CSMD1: variants seen among roughly 807,000 people sequenced by gnomAD.
CSMD1 encodes CUB and Sushi multiple domains 1.
CSMD1 carries 213 observed loss-of-function variants against 417.5 expected under a neutral mutation model. That is an observed-to-expected ratio of 0.51 (90% CI 0.46 to 0.57). The LOEUF (loss-of-function observed/expected upper bound fraction) is 0.57, where lower values mean the gene tolerates loss of function less well. Among genes scored for constraint, CSMD1 ranks in the 20% least tolerant of loss-of-function variants. The pLI is 0.00. For missense variants in CSMD1, 6,923 were observed against 4,529.7 expected (o/e 1.53, Z -15.17); for synonymous variants, 2,862 against 1,736.8 (o/e 1.65, Z -16.11).
rs903910947 is a variant in CSMD1 at position 3,692,648 on chromosome 8, G to A, written c.1009+15766C>T. Among the ~76,000 whole-genome samples, 6 of 152,024 alleles carry A rather than the reference G, an allele frequency of 3.9e-5. No homozygotes were observed. The East Asian group carries it at 9.7e-4, about 25-fold the overall frequency. On this transcript the variant is annotated intron_variant, in intron 7 of 69. Coordinates refer to ENST00000635120, the MANE Select transcript of CSMD1 (RefSeq NM_033225.6). ...GGGTTTCACCATGTTGGTCAGGCTG[G>A]TCTCGAACCCCTGACCTCAAATGAT...
At chr8:3,837,392 T>G (rs12543497) in intron 5 of CSMD1, among the ~76,000 whole-genome samples, 57,377 of 151,980 alleles carry the variant, frequency 0.38, 11,545 homozygotes, top group African/African-American at 0.52. Context: ...AAAATTGAAG[T>G]AGCATGCACT....
chr8:4,885,517 G>A (rs972344403), intron 1 of CSMD1, among the ~76,000 whole-genome samples: 2 of 151,874 alleles, frequency 1.3e-5, no homozygotes, highest in African/African-American at 2.4e-5. Flanking sequence ...TGTAATTCTT[G>A]TTTGTTGATT....
At chr8:4,229,646 T>G (rs1801585040) in intron 3 of CSMD1, among the ~76,000 whole-genome samples, 1 of 152,200 alleles carries the variant, frequency 6.6e-6, no homozygotes, top group African/African-American at 2.4e-5. Flanking sequence ...CTCCAGCTGC[T>G]TAAAGGCCAT....
chr8:4,216,688 T>C (rs911445273), intron 3 of CSMD1, among the ~76,000 whole-genome samples: 4 of 152,128 alleles, frequency 2.6e-5, no homozygotes, highest in African/African-American at 4.8e-5. Flanking sequence ...TCATGTTTCA[T>C]GTAAGCACCA....
intron 25 of CSMD1, among the ~76,000 whole-genome samples, chr8:3,300,299 A>C (rs1354888507): frequency 3.3e-5 from 5 of 152,138 alleles, no homozygotes; most frequent in African/African-American, 1.2e-4. Context: ...TTAAAAAGCT[A>C]TATCACCTTT....
At chr8:3,541,247 G>T (rs1798425863) in intron 10 of CSMD1, among the ~76,000 whole-genome samples, 1 of 152,136 alleles carries the variant, frequency 6.6e-6, no homozygotes, top group Non-Finnish European at 1.5e-5. Flanking sequence ...GATGAAACTG[G>T]AAGCCATTAC....
At chr8:4,972,891 C>T (rs1016964368) in intron 1 of CSMD1, among the ~76,000 whole-genome samples, 20 of 152,126 alleles carry the variant, frequency 1.3e-4, no homozygotes, top group Non-Finnish European at 1.5e-4. Flanking sequence ...AACATAGGTA[C>T]TGGGACCTAC....
chr8:3,490,003 G>C (rs919790188), intron 11 of CSMD1, among the ~76,000 whole-genome samples: 2 of 152,178 alleles, frequency 1.3e-5, no homozygotes, highest in African/African-American at 2.4e-5. Flanking sequence ...TCTCCAATTA[G>C]ATGATAGACT....
At chr8:4,127,655 T>C (rs377496482) in intron 3 of CSMD1, among the ~76,000 whole-genome samples, 4 of 152,146 alleles carry the variant, frequency 2.6e-5, no homozygotes, top group East Asian at 3.9e-4. Context: ...TCACCCCCTT[T>C]ACTTAGACTA....
chr8:4,911,268 T>C lies in CSMD1; in HGVS notation c.85+83064A>G, dbSNP rs142932110. On this transcript the variant is annotated intron_variant, in intron 1 of 69. Coordinates refer to ENST00000635120, the MANE Select transcript of CSMD1 (RefSeq NM_033225.6). ...AATGACCTTTGTCCACCAGTCGTAA[T>C]TTCTGCCTATACATACTGGATAAAG... is the stretch of plus-strand genomic sequence containing the variant. 1.3e-3 allele frequency among the ~76,000 whole-genome samples: 204 copies of C among 152,364 alleles called. 1 individual carries two copies. The highest frequency in any genetic ancestry group is 4.7e-3 in the African/African-American group (197 of 41,590).
chr8:3,803,908 A>G (rs1213170618), intron 5 of CSMD1, among the ~76,000 whole-genome samples: 2 of 151,996 alleles, frequency 1.3e-5, no homozygotes, highest in African/African-American at 4.8e-5. Context: ...ACAAGGAGAG[A>G]AGGTTAAGAG....
chr8:4,044,763 T>A (rs145790815), intron 3 of CSMD1, among the ~76,000 whole-genome samples: 72 of 150,022 alleles, frequency 4.8e-4, no homozygotes, highest in Admixed American at 8.5e-4. Context: ...CCTGGCCACA[T>A]AGCACCCTAG....
chr8:4,205,737 G>C (rs188863971), intron 3 of CSMD1, among the ~76,000 whole-genome samples: 1 of 126,376 alleles, frequency 7.9e-6, no homozygotes, highest in African/African-American at 3.6e-5. Context: ...CACTTCCTAG[G>C]CCACTGTGAG....
At chr8:4,193,192 C>G (rs1799132123) in intron 3 of CSMD1, among the ~76,000 whole-genome samples, 1 of 151,876 alleles carries the variant, frequency 6.6e-6, no homozygotes. Context: ...TCTTTGGAGT[C>G]ATAAGCAGGG....
At chr8:3,793,554 C>T (rs769332689) in intron 5 of CSMD1, among the ~76,000 whole-genome samples, 3 of 151,754 alleles carry the variant, frequency 2.0e-5, no homozygotes, top group South Asian at 2.1e-4. Flanking sequence ...ATGACACCCC[C>T]TCCTCCAAAG....
chr8:4,589,399 A>G (rs1471909974), intron 2 of CSMD1, among the ~76,000 whole-genome samples: 2 of 152,176 alleles, frequency 1.3e-5, no homozygotes, highest in Non-Finnish European at 2.9e-5. Context: ...CCAAAAACCA[A>G]TGATAGTAAG....
chr8:3,749,986 C>T (rs1049438088), intron 6 of CSMD1, among the ~76,000 whole-genome samples: 5 of 152,036 alleles, frequency 3.3e-5, no homozygotes, highest in Admixed American at 6.6e-5. Context: ...TTTTCTAAAA[C>T]GGTCATATCA....
intron 50 of CSMD1, among the ~76,000 whole-genome samples, chr8:3,034,799 T>A (rs73181721): frequency 6.6e-6 from 1 of 152,170 alleles, no homozygotes; most frequent in Non-Finnish European, 1.5e-5. Flanking sequence ...TTAAACATTA[T>A]AGACTAGGGA....
chr8:4,393,000 G>T (rs1803953686), intron 3 of CSMD1, among the ~76,000 whole-genome samples: 1 of 152,032 alleles, frequency 6.6e-6, no homozygotes, highest in African/African-American at 2.4e-5. Flanking sequence ...AAGAGAGATG[G>T]AGTGTCACTC....
Sources: allele counts gnomAD v4.1 joint callset (sites outside exome capture counted in the v4.1 genomes callset), GRCh38; gene constraint gnomAD v4.1.1; transcripts MANE v1.5; gene names NCBI Gene and HGNC (gene_info 2026-07-23, HGNC 2026-07-21).